Variants in NHS observed in about 807,000 individuals in gnomAD.
NHS encodes actin remodeling regulator NHS.
A neutral mutation model predicts 72.5 loss-of-function variants in NHS; 5 were observed. That is an observed-to-expected ratio of 0.07 (90% CI 0.04 to 0.14). The LOEUF (loss-of-function observed/expected upper bound fraction) is 0.14, where lower values mean the gene tolerates loss of function less well. Among genes scored for constraint, NHS ranks in the 10% least tolerant of loss-of-function variants. The pLI is 1.00. For missense variants in NHS, 1,072 were observed against 1,355.7 expected (o/e 0.79, Z 3.29); for synonymous variants, 464 against 547.7 (o/e 0.85, Z 2.13).
At chrX:17,674,722 A>G (rs1320366037) in intron 1 of NHS, among the ~76,000 whole-genome samples, 2 of 111,970 alleles carry the variant, frequency 1.8e-5, no homozygotes, top group South Asian at 3.7e-4. Flanking sequence ...AGGTGCCAAC[A>G]TATGTGTTTG....
At chrX:17,719,496 TTTC>T in intron 4 of NHS, 90 bp downstream of exon 4, 1 of 704,608 alleles carries the variant, frequency 1.4e-6, no homozygotes, top group Non-Finnish European at 2.0e-6. Context: ...TATGGAAAAC[TTTC>T]TTGTTTCTAA....
chrX:17,561,404 G>A (rs1254184993), intron 1 of NHS, among the ~76,000 whole-genome samples: 1 of 110,278 alleles, frequency 9.1e-6, no homozygotes, highest in Non-Finnish European at 1.9e-5. Flanking sequence ...CGTCTGGGAA[G>A]GAGAAGAGGA....
chrX:17,657,691 G>A (rs764251735), intron 1 of NHS, among the ~76,000 whole-genome samples: 1 of 113,078 alleles, frequency 8.8e-6, no homozygotes, highest in South Asian at 3.6e-4. Flanking sequence ...AAGGCTGGAG[G>A]ATGGGAGCCT....
chrX:17,661,908 G>A (rs1235761783), intron 1 of NHS, among the ~76,000 whole-genome samples: 1 of 111,888 alleles, frequency 8.9e-6, no homozygotes, highest in Non-Finnish European at 1.9e-5. Flanking sequence ...CACTCACCTT[G>A]CCTCAACTCA....
chrX:17,635,710 CTA>C, intron 1 of NHS: 3 of 800,753 alleles, frequency 3.7e-6, no homozygotes, highest in Non-Finnish European at 5.4e-6. Flanking sequence ...GAGAAGATAA[CTA>C]TGTTTCCCAA....
rs772622352 is a variant in NHS at position 17,651,495 on chromosome X, C to A, written c.566-36247C>A. On this transcript the variant is annotated intron_variant, in intron 1 of 8. Transcript: ENST00000676302. ...CAATATTTCAGTGTCTTACCTCTCA[C>A]TTTCCTTGCAGTTTAATGCTGGTTA... Among the ~76,000 whole-genome samples the A allele has an allele frequency of 3.6e-5, 4 of 112,576 alleles. No homozygotes were observed. In the Admixed American group the frequency reaches 3.7e-4, roughly 11 times the overall value.
chrX:17,430,203 CCCTT>C (rs1162588266), intron 1 of NHS, among the ~76,000 whole-genome samples: 3 of 74,252 alleles, frequency 4.0e-5, no homozygotes, highest in African/African-American at 1.6e-4. Context: ...TCCCCTCCCT[CCCTT>C]CCTTCCTTGC....
intron 1 of NHS, among the ~76,000 whole-genome samples, chrX:17,477,519 G>T (rs1367232818): frequency 2.7e-5 from 3 of 112,132 alleles, no homozygotes; most frequent in Non-Finnish European, 5.6e-5. Flanking sequence ...TACTCTGAAT[G>T]AGATGGGGAG....
intron 1 of NHS, among the ~76,000 whole-genome samples, chrX:17,384,500 TTATC>T (rs1365818712): frequency 8.9e-6 from 1 of 112,469 alleles, no homozygotes; most frequent in Non-Finnish European, 1.9e-5. Context: ...CTGAATTACT[TTATC>T]TAAGAAATCC....
In NHS at chrX:17,732,485, T is replaced by C; in HGVS notation, c.*21T>C. The C allele has an allele frequency of 8.2e-7, 1 of 1,212,437 alleles. No homozygotes were observed. The highest frequency in any genetic ancestry group is 3.0e-5 in the East Asian group (1 of 33,855). ...CATAGACTGCCTGTACCAGGCTGCC[T>C]GGCAAAGGCCAAAACCCTTACTCAC... On this transcript the variant is annotated 3_prime_UTR_variant, in exon 9 of 9. Coordinates refer to ENST00000676302, the MANE Select transcript of NHS (RefSeq NM_001291867.2).
intron 1 of NHS, among the ~76,000 whole-genome samples, chrX:17,581,173 C>G (rs2065541751): frequency 9.0e-6 from 1 of 111,713 alleles, no homozygotes; most frequent in African/African-American, 3.3e-5. Flanking sequence ...CTCCAATATC[C>G]CTCTTCACAG....
intron 1 of NHS, among the ~76,000 whole-genome samples, chrX:17,380,509 C>T (rs748862870): frequency 8.4e-4 from 92 of 110,113 alleles, no homozygotes; most frequent in African/African-American, 2.8e-3. Context: ...TGCACCACTA[C>T]GCTAGGCTAA....
intron 1 of NHS, among the ~76,000 whole-genome samples, chrX:17,666,289 T>C (rs757293012): frequency 4.5e-5 from 5 of 112,193 alleles, no homozygotes; most frequent in Admixed American, 9.4e-5. Flanking sequence ...GAATGATGGA[T>C]TGGTGAAAGG....
chrX:17,520,905 C>T (rs1402716835), intron 1 of NHS, among the ~76,000 whole-genome samples: 2 of 111,097 alleles, frequency 1.8e-5, no homozygotes, highest in Admixed American at 9.5e-5. Flanking sequence ...AGCATCGCAT[C>T]GTCAGGGAGC....
Position 17,725,681 on chromosome X carries a change from C to G in NHS, c.1575C>G (p.Pro525=), listed in dbSNP as rs778830180. ...GDAEPKVGAK[P]SAYEEGESFV... ...CTGAGCCCAAAGTTGGCGCTAAACCCTCAGCATATGAAGAGGGAGAGTCTT... is the reference window on the plus strand; with the variant it reads ...CTGAGCCCAAAGTTGGCGCTAAACCGTCAGCATATGAAGAGGGAGAGTCTT... The change falls in exon 7 of 9, where the codon CCC becomes CCG. Residue 525 remains proline (P), a synonymous_variant. Coordinates refer to ENST00000676302, the MANE Select transcript of NHS (RefSeq NM_001291867.2). 1 of 1,211,243 alleles carries G rather than the reference C, an allele frequency of 8.3e-7. No homozygotes were observed. The highest frequency in any genetic ancestry group is 2.2e-5 in the Admixed American group (1 of 45,973).
chrX:17,383,749 A>C (rs2064391640), intron 1 of NHS, among the ~76,000 whole-genome samples: 1 of 111,886 alleles, frequency 8.9e-6, no homozygotes, highest in African/African-American at 3.3e-5. Flanking sequence ...TCAACATGAG[A>C]TATGGGTGGG....
At chrX:17,674,551 T>C (rs958531614) in intron 1 of NHS, among the ~76,000 whole-genome samples, 7 of 112,292 alleles carry the variant, frequency 6.2e-5, no homozygotes, top group African/African-American at 2.3e-4. Context: ...GATCCCTGTG[T>C]GTGGTCTACT....
intron 1 of NHS, among the ~76,000 whole-genome samples, chrX:17,440,717 C>T (rs1482605274): frequency 1.8e-5 from 2 of 111,744 alleles, no homozygotes; most frequent in Non-Finnish European, 3.8e-5. Context: ...TCTCTGGCCT[C>T]AGTTCAGGAA....
At chrX:17,696,682 G>A (rs1300111970) in intron 3 of NHS, among the ~76,000 whole-genome samples, 3 of 111,783 alleles carry the variant, frequency 2.7e-5, no homozygotes, top group African/African-American at 9.8e-5. Flanking sequence ...TGAATACATA[G>A]GTTTTTTGGT....
Sources: allele counts gnomAD v4.1 joint callset (sites outside exome capture counted in the v4.1 genomes callset), GRCh38; gene constraint gnomAD v4.1.1; transcripts MANE v1.5; gene names NCBI Gene and HGNC (gene_info 2026-07-23, HGNC 2026-07-21).